HPS3: variants seen among roughly 807,000 people sequenced by gnomAD.
HPS3 encodes HPS3 biogenesis of lysosomal organelles complex 2 subunit 1.
Under a neutral mutation model 110.9 loss-of-function variants are expected in HPS3, and 79 were observed. The observed-to-expected ratio is 0.71, with a 90% CI of 0.59 to 0.86. The LOEUF (loss-of-function observed/expected upper bound fraction) is 0.86, where lower values mean the gene tolerates loss of function less well. Ranked by LOEUF, HPS3 falls within the 40% of genes least tolerant of loss-of-function variation. HPS3 has a pLI of 0.00. For synonymous variants in HPS3, 428 were observed against 451.0 expected, an observed-to-expected ratio of 0.95 and a Z score of 0.65; for missense variants, 1,197 against 1,206.2, an observed-to-expected ratio of 0.99 and a Z score of 0.11.
chr3:149,131,162 C>T (rs1324420406), intron 1 of HPS3, among the ~76,000 whole-genome samples: 1 of 149,996 alleles, frequency 6.7e-6, no homozygotes, highest in Non-Finnish European at 1.5e-5. Context: ...ATAAATAGAT[C>T]AGTGATATCC....
In HPS3 at chr3:149,172,117, G is replaced by C. The variant is rs758223311; in HGVS notation, c.2910G>C (p.Val970=). The C allele has an allele frequency of 6.2e-7, 1 of 1,612,998 alleles. No homozygotes were observed. Among genetic ancestry groups the C allele is most frequent in the South Asian group, 1.1e-5 (1 of 91,042 alleles). ...SLKETLSIVA[V]ELELKDFMNV... is the part of the protein sequence containing the mutation. ...CAGAAACATTGTCAATTGTTGCTGT[G>C]GAACTAGAACTGAAGGATTTCATGA... The change falls in exon 17 of 17, where the codon GTG becomes GTC. Residue 970 remains valine, a synonymous_variant. Transcript: ENST00000296051.
Position 149,160,994 on chromosome 3 carries a change from A to G in HPS3, c.2106+715A>G, listed in dbSNP as rs180983467. ...ACAGCAGTTAAGTTGTAGAGCCAGA[A>G]TTGAATCGGGCAGCCTGATTTCAGA... On this transcript the variant is annotated intron_variant, in intron 11 of 16. Coordinates refer to ENST00000296051, the MANE Select transcript of HPS3 (RefSeq NM_032383.5). Among the ~76,000 whole-genome samples, 32 of 152,336 alleles carry G rather than the reference A, an allele frequency of 2.1e-4. No homozygotes were observed. The East Asian group carries it at 4.0e-3, about 19-fold the overall frequency.
chr3:149,138,355 A>G (rs1722245033), intron 1 of HPS3, among the ~76,000 whole-genome samples: 1 of 152,202 alleles, frequency 6.6e-6, no homozygotes. Flanking sequence ...AAAAGGGCCA[A>G]TTTGCTTAAT....
chr3:149,172,317 A>AACAC lies in HPS3; in HGVS notation c.*95_*96insACAC, dbSNP rs1559931139. 115 of 640,806 alleles carry AACAC rather than the reference A, an allele frequency of 1.8e-4. No homozygotes were observed. Among genetic ancestry groups the AACAC allele is most frequent in the South Asian group, 1.5e-3 (87 of 59,240 alleles). The allele number at this position is 640,806 out of a possible 1,614,324, so 39.7% of individuals were successfully genotyped here. On this transcript the variant is annotated 3_prime_UTR_variant, in exon 17 of 17. Transcript: ENST00000296051. ...AGTAGAGGAGTTTTTTATTTTATAT[A>AACAC]TCACACACACACACACACACACACA...
intron 1 of HPS3, among the ~76,000 whole-genome samples, chr3:149,136,413 T>C (rs1028449017): frequency 1.5e-4 from 23 of 152,162 alleles, no homozygotes; most frequent in African/African-American, 5.3e-4. Context: ...TTAAAAAATT[T>C]AGTTCCCTTC....
Position 149,172,349 on chromosome 3 carries a change from C to CACACACAT in HPS3, c.*129_*136dup. The CACACACAT allele has an allele frequency of 1.4e-6, 1 of 703,662 alleles. No individual in the cohort carries two copies. 43.6% of individuals were successfully genotyped at this position (703,662 alleles called of 1,614,324 possible). ...ACACACACACACACACACACACACA[C>CACACACAT]ACACACATATATGATACAAATGCTT... is the stretch of plus-strand genomic sequence containing the variant. On this transcript the variant is annotated 3_prime_UTR_variant, in exon 17 of 17. Coordinates refer to ENST00000296051, the MANE Select transcript of HPS3 (RefSeq NM_032383.5).
At chr3:149,148,340 C>T (rs112716211) in intron 5 of HPS3, among the ~76,000 whole-genome samples, 25 of 150,050 alleles carry the variant, frequency 1.7e-4, no homozygotes, top group African/African-American at 5.6e-4. Flanking sequence ...TTTATAGAAA[C>T]GTGTAAGTAG....
intron 8 of HPS3, among the ~76,000 whole-genome samples, chr3:149,156,187 ATTC>A (rs1723448014): frequency 6.6e-6 from 1 of 152,008 alleles, no homozygotes; most frequent in African/African-American, 2.4e-5. Flanking sequence ...CTGTTTTCTG[ATTC>A]TTCTTCGGGA....
At chr3:149,135,199 TG>T (rs1270175583) in intron 1 of HPS3, among the ~76,000 whole-genome samples, 1 of 152,194 alleles carries the variant, frequency 6.6e-6, no homozygotes, top group African/African-American at 2.4e-5. Context: ...AAATAAAATT[TG>T]GGGGTATTAG....
At chr3:149,133,858 A>G (rs761213533) in intron 1 of HPS3, among the ~76,000 whole-genome samples, 4 of 152,114 alleles carry the variant, frequency 2.6e-5, no homozygotes, top group Non-Finnish European at 5.9e-5. Context: ...ATAATCTAGT[A>G]CAAACATAAC....
intron 15 of HPS3, among the ~76,000 whole-genome samples, chr3:149,167,587 C>A (rs1262766753): frequency 1.3e-5 from 2 of 151,678 alleles, no homozygotes; most frequent in African/African-American, 4.8e-5. Context: ...TCTTTTTTTT[C>A]TTCATTCCTT....
chr3:149,153,296 T>C (rs1042946852), intron 6 of HPS3, among the ~76,000 whole-genome samples, 198 bp from the exon 7 acceptor site: 4 of 152,192 alleles, frequency 2.6e-5, no homozygotes, highest in African/African-American at 9.7e-5. Context: ...ACACTATTGG[T>C]TACATAGGTT....
chr3:149,148,335 A>G (rs1310843122), intron 5 of HPS3, among the ~76,000 whole-genome samples: 2 of 152,106 alleles, frequency 1.3e-5, no homozygotes, highest in East Asian at 3.8e-4. Flanking sequence ...CCAACTTTAT[A>G]GAAACGTGTA....
chr3:149,160,236 G>C lies in HPS3; in HGVS notation c.2063G>C (p.Gly688Ala). Residue 688 changes from glycine to alanine, a missense_variant, in exon 11 of 17, where the codon GGA becomes GCA. Coordinates refer to ENST00000296051, the MANE Select transcript of HPS3 (RefSeq NM_032383.5). ...AAGGCAGCAGTGGCTCTGAAAATGG[G>C]AGATCTTGACATGCACAGAAATGAA... Reference protein sequence around the residue: ...LTKAAVALKMGDLDMHRNEMK... With the variant: ...LTKAAVALKMADLDMHRNEMK... The C allele has an allele frequency of 5.6e-6, 9 of 1,613,810 alleles. No homozygotes were observed. Among genetic ancestry groups the C allele is most frequent in the Non-Finnish European group, 7.6e-6 (9 of 1,179,820 alleles).
intron 16 of HPS3, among the ~76,000 whole-genome samples, chr3:149,169,557 G>A (rs951776943): frequency 1.3e-5 from 2 of 152,138 alleles, no homozygotes; most frequent in African/African-American, 4.8e-5. Flanking sequence ...GGTTTCCCCT[G>A]TGCATTTTAG....
chr3:149,160,191 C>T lies in HPS3; in HGVS notation c.2018C>T (p.Ser673Leu), dbSNP rs141023798. The T allele has an allele frequency of 1.6e-4, 262 of 1,613,676 alleles. No homozygotes were observed. Among genetic ancestry groups the T allele is most frequent in the Middle Eastern group, 9.9e-4 (6 of 6,078 alleles). The part of the protein sequence containing the change: ...LRKLDTSGFS[S>L]ILVTLTKAAV... ...AAGCTGGATACTTCTGGGTTTTCAT[C>T]GATCTTAGTGACATTGACCAAGGCA... is the stretch of plus-strand genomic sequence containing the variant. Residue 673 changes from serine to leucine, a missense_variant, in exon 11 of 17, where the codon TCG becomes TTG. Ser to Leu is a moderately radical substitution (Grantham distance 145). Coordinates refer to ENST00000296051, the MANE Select transcript of HPS3 (RefSeq NM_032383.5).
intron 14 of HPS3, among the ~76,000 whole-genome samples, chr3:149,165,622 G>A (rs986141325): frequency 6.6e-6 from 1 of 152,080 alleles, no homozygotes; most frequent in Non-Finnish European, 1.5e-5. Context: ...GATTACAGGT[G>A]TGAGTCACTG....
rs768624877 is a variant in HPS3 at position 149,162,294 on chromosome 3, C to T, written c.2253C>T (p.Asn751=). The T allele has an allele frequency of 5.6e-6, 9 of 1,613,872 alleles. No individual in the cohort carries two copies. In the Admixed American group the frequency reaches 1.2e-4, roughly 21 times the overall value. Residue 751 remains asparagine, a synonymous_variant, in exon 12 of 17, where the codon AAC becomes AAT. Coordinates refer to ENST00000296051, the MANE Select transcript of HPS3 (RefSeq NM_032383.5). ...CTTCAGTTCTGGGCTTGCAGAAGAA[C>T]AACAAAATTGGAATTGAAGAAGCAG... ...LVASVLGLQK[N]NKIGIEEADS...
rs1722358485 is a variant in HPS3, at chr3:149,140,267, T to C, written c.481T>C (p.Leu161=). The C allele has an allele frequency of 6.2e-7, 1 of 1,614,112 alleles. No homozygotes were observed. The change falls in exon 2 of 17, where the codon TTG becomes CTG. Residue 161 remains leucine (L), a synonymous_variant. Coordinates refer to ENST00000296051, the MANE Select transcript of HPS3 (RefSeq NM_032383.5). ...CACAAATAAATTAGTCTTATTTAGTTTGAAGTACCAGATCATTAATGAGGA... is the reference window on the plus strand; with the variant it reads ...CACAAATAAATTAGTCTTATTTAGTCTGAAGTACCAGATCATTAATGAGGA... ...GCTNKLVLFS[L]KYQIINEEFS...
Sources: gnomAD v4.1 joint callset for allele counts (sites outside exome capture counted in the v4.1 genomes callset) on GRCh38, gnomAD v4.1.1 for gene constraint, MANE v1.5 for transcripts, NCBI Gene and HGNC (gene_info 2026-07-23, HGNC 2026-07-21) for gene names.